The following ADGRL4 variants were observed in gnomAD, a reference collection of about 807,000 sequenced individuals.
The protein encoded by ADGRL4 is adhesion G protein-coupled receptor L4.
ADGRL4 carries 90 observed loss-of-function variants against 74.8 expected under a neutral mutation model. That is an observed-to-expected ratio of 1.20 (90% CI 1.02 to 1.43). ADGRL4 has a LOEUF of 1.43. Ranked by LOEUF, ADGRL4 falls within the 40% of genes most tolerant of loss-of-function variation. The pLI is 0.00. For missense variants in ADGRL4, 881 were observed against 814.3 expected (o/e 1.08, Z -1.00); for synonymous variants, 311 against 279.2 (o/e 1.11, Z -1.14).
At chr1:78,956,426 C>A (rs2100703881) in intron 2 of ADGRL4, among the ~76,000 whole-genome samples, 2 of 152,262 alleles carry the variant, frequency 1.3e-5, no homozygotes, top group Middle Eastern at 3.4e-3. Context: ...TGGCAACAAA[C>A]TCATAGTTTA....
At chr1:78,922,289 G>A (rs1455839378) in intron 8 of ADGRL4, among the ~76,000 whole-genome samples, 1 of 151,978 alleles carries the variant, frequency 6.6e-6, no homozygotes, top group Non-Finnish European at 1.5e-5. Context: ...CAGGCACTTC[G>A]ATGACGTGAA....
intron 12 of ADGRL4, among the ~76,000 whole-genome samples, chr1:78,894,472 T>C (rs1183278901): frequency 6.6e-6 from 1 of 151,802 alleles, no homozygotes; most frequent in East Asian, 1.9e-4. Context: ...TTTAAATTGA[T>C]TTAGGTGATA....
chr1:78,989,787 A>C (rs1650568216), intron 2 of ADGRL4, among the ~76,000 whole-genome samples: 1 of 152,004 alleles, frequency 6.6e-6, no homozygotes, highest in Admixed American at 6.6e-5. Context: ...GTTATCACTT[A>C]TTAAAGCCTT....
rs893965656 is a variant in ADGRL4 at position 78,932,823 on chromosome 1, G to GA, written c.877+3471dup. ...TCATGCAAAAAAACTAGAATATCTAGAAAAAATGGATAAATTCCTGGGCAC... is the reference window on the plus strand; with the variant it reads ...TCATGCAAAAAAACTAGAATATCTAGAAAAAAATGGATAAATTCCTGGGCAC... On this transcript the variant is annotated intron_variant, in intron 7 of 14. Coordinates refer to ENST00000370742, the MANE Select transcript of ADGRL4 (RefSeq NM_022159.4). Among the ~76,000 whole-genome samples, 8 of 151,274 alleles carry GA rather than the reference G, an allele frequency of 5.3e-5. No individual in the cohort carries two copies. The East Asian group carries it at 5.8e-4, about 11-fold the overall frequency.
chr1:78,943,088 C>A (rs115969511), intron 3 of ADGRL4, among the ~76,000 whole-genome samples: 2 of 151,856 alleles, frequency 1.3e-5, no homozygotes, highest in Non-Finnish European at 2.9e-5. Context: ...TTTTCTAATG[C>A]GTAACTCACA....
At position 78,911,629 on chromosome 1, in the gene ADGRL4, ACACACAC is replaced by A. The variant is rs1290812954; in HGVS notation, c.1749+5998_1749+6004del. Among the ~76,000 whole-genome samples the A allele has an allele frequency of 3.3e-5, 5 of 151,656 alleles. 1 individual carries two copies. Among genetic ancestry groups the A allele is most frequent in the Non-Finnish European group, 7.4e-5 (5 of 67,848 alleles). On this transcript the variant is annotated intron_variant, in intron 12 of 14. Transcript: ENST00000370742. ...TCAAGATCTAAACACACACACACAC[ACACACAC>A]ACACTATAGTTGGCTACACATACAT... is the stretch of plus-strand genomic sequence containing the variant.
chr1:78,993,808 C>T (rs948820185), intron 2 of ADGRL4, among the ~76,000 whole-genome samples: 5 of 152,032 alleles, frequency 3.3e-5, no homozygotes, highest in Non-Finnish European at 7.4e-5. Flanking sequence ...TTCCTGACCT[C>T]GTGATCCGTC....
chr1:78,935,547 C>T (rs1167889866), intron 7 of ADGRL4, among the ~76,000 whole-genome samples: 1 of 150,994 alleles, frequency 6.6e-6, no homozygotes, highest in Non-Finnish European at 1.5e-5. Context: ...AAAAAACAAA[C>T]CTACTTTAAA....
intron 9 of ADGRL4, 22 bp downstream of exon 9, chr1:78,921,591 A>T: frequency 7.3e-7 from 1 of 1,364,500 alleles, no homozygotes; most frequent in Non-Finnish European, 9.6e-7. Flanking sequence ...ATTTATAAAT[A>T]TGAAGGGGAA....
rs1319618057 is a variant in ADGRL4 at position 78,921,717 on chromosome 1, A to T, written c.1153T>A (p.Ser385Thr). ...TATGTCAGCTCACAGCCCTCTGAAG[A>T]CCAGCTGCCATTCATGGTATCAGGT... ...YSPDTMNGSWSSEGCELTYSN... is the reference protein window; with the variant it reads ...YSPDTMNGSWTSEGCELTYSN... The change falls in exon 9 of 15, where the codon TCT becomes ACT. Residue 385 changes from serine to threonine, a missense_variant. Physicochemically the swap from Ser to Thr is moderately conservative, Grantham distance 58. Transcript: ENST00000370742. The T allele has an allele frequency of 8.7e-6, 14 of 1,604,252 alleles. No homozygotes were observed. The highest frequency in any genetic ancestry group is 1.2e-5 in the Non-Finnish European group (14 of 1,174,950).
rs1430599076 is a variant in ADGRL4, at chr1:78,890,590, A to G, written c.*564T>C. On this transcript the variant is annotated 3_prime_UTR_variant, in exon 15 of 15. Transcript: ENST00000370742. Reference sequence around the variant, plus strand: ...ACATTTAAGTTCAGAACAATTCACAAAATGGTAAAATGTGTTTCTTCAATT... The same window carrying G: ...ACATTTAAGTTCAGAACAATTCACAGAATGGTAAAATGTGTTTCTTCAATT... 3 of 152,140 alleles carry G rather than the reference A, an allele frequency of 2.0e-5. No individual in the cohort carries two copies. Among genetic ancestry groups the G allele is most frequent in the African/African-American group, 7.2e-5 (3 of 41,432 alleles). 9.4% of individuals were successfully genotyped at this position (152,140 alleles called of 1,614,324 possible).
chr1:78,936,501 C>A, intron 6 of ADGRL4, 90 bp from the exon 7 acceptor site: 2 of 1,150,868 alleles, frequency 1.7e-6, no homozygotes, highest in Non-Finnish European at 2.4e-6. Flanking sequence ...TTTCATCCAT[C>A]ATTATTGTGT....
intron 2 of ADGRL4, among the ~76,000 whole-genome samples, chr1:78,970,321 T>G (rs1168963265): frequency 6.6e-6 from 1 of 152,218 alleles, no homozygotes; most frequent in East Asian, 1.9e-4. Flanking sequence ...CATGGCTAAT[T>G]AAGCCATTAA....
Position 78,938,147 on chromosome 1 carries a change from T to C in ADGRL4, c.529A>G (p.Asn177Asp). Residue 177 changes from asparagine (N) to aspartate (D), a missense_variant, in exon 5 of 15, where the codon AAC (asparagine) becomes GAC (aspartate). By Grantham distance (23) the Asn-to-Asp change is conservative. Transcript: ENST00000370742. ...GTGTCCTTGGCTGAGATAGTGTTGTTCTTGTAACCTAGTAATGAAGATGAT... is the reference window on the plus strand; with the variant it reads ...GTGTCCTTGGCTGAGATAGTGTTGTCCTTGTAACCTAGTAATGAAGATGAT... ...AESSSLLGYK[N>D]NTISAKDTLS... 6.2e-7 allele frequency: 1 copy of C among 1,613,178 alleles called. No individual in the cohort carries two copies. Among genetic ancestry groups the C allele is most frequent in the Non-Finnish European group, 8.5e-7 (1 of 1,179,664 alleles).
intron 2 of ADGRL4, among the ~76,000 whole-genome samples, chr1:78,999,043 A>G (rs1650782076): frequency 6.6e-6 from 1 of 152,174 alleles, no homozygotes; most frequent in Non-Finnish European, 1.5e-5. Flanking sequence ...TTAATAATTA[A>G]AGAGAGTAAA....
intron 2 of ADGRL4, among the ~76,000 whole-genome samples, chr1:79,000,939 A>G (rs1650826942): frequency 1.3e-5 from 2 of 152,134 alleles, no homozygotes; most frequent in African/African-American, 4.8e-5. Flanking sequence ...CTCCTCTGAG[A>G]TACGTAAAAA....
Position 78,917,982 on chromosome 1 carries a change from A to G in ADGRL4, c.1530T>C (p.Ile510=), listed in dbSNP as rs1648914015. Residue 510 remains isoleucine, a synonymous_variant, in exon 11 of 15, where the codon ATT becomes ATC. Coordinates refer to ENST00000370742, the MANE Select transcript of ADGRL4 (RefSeq NM_022159.4). ...FFLAAFAWMC[I]EGIHLYLIVV... ...CAATGAGATAGAGATGTATGCCTTC[A>G]ATGCACATCCATGCAAAAGCAGCTA... The G allele has an allele frequency of 6.2e-7, 1 of 1,612,508 alleles. No homozygotes were observed. The highest frequency in any genetic ancestry group is 1.3e-5 in the African/African-American group (1 of 74,780).
At chr1:78,959,750 C>G (rs1649907094) in intron 2 of ADGRL4, among the ~76,000 whole-genome samples, 1 of 152,138 alleles carries the variant, frequency 6.6e-6, no homozygotes, top group African/African-American at 2.4e-5. Context: ...TAAAAGTATA[C>G]TGAACCAGAG....
At chr1:78,905,817 T>C (rs1424129769) in intron 12 of ADGRL4, among the ~76,000 whole-genome samples, 1 of 152,034 alleles carries the variant, frequency 6.6e-6, no homozygotes, top group Non-Finnish European at 1.5e-5. Context: ...ATAACCTTCA[T>C]AAAGGAGCAT....
Sources: gnomAD v4.1 joint callset for allele counts (sites outside exome capture counted in the v4.1 genomes callset) on GRCh38, gnomAD v4.1.1 for gene constraint, MANE v1.5 for transcripts, NCBI Gene and HGNC (gene_info 2026-07-23, HGNC 2026-07-21) for gene names.